Variants in BCR observed in about 807,000 individuals in gnomAD.
The protein encoded by BCR is BCR activator of RhoGEF and GTPase.
A neutral mutation model predicts 138.6 loss-of-function variants in BCR; 58 were observed. The observed-to-expected ratio is 0.42, with a 90% CI of 0.34 to 0.52. The LOEUF (loss-of-function observed/expected upper bound fraction) is 0.52, where lower values mean the gene tolerates loss of function less well. Ranked by LOEUF, BCR falls within the 20% of genes least tolerant of loss-of-function variation. BCR has a pLI of 0.06. For synonymous variants in BCR, 786 were observed against 730.1 expected (o/e 1.08, Z -1.23); for missense variants, 1,599 against 1,727.2 (o/e 0.93, Z 1.32).
intron 8 of BCR, among the ~76,000 whole-genome samples, chr22:23,277,420 G>A (rs1395557071): frequency 6.6e-6 from 1 of 152,168 alleles, no homozygotes; most frequent in African/African-American, 2.4e-5. Flanking sequence ...TGAGCCGATA[G>A]GACGTTTCCA....
At chr22:23,253,536 A>G (rs1359674974) in intron 1 of BCR, among the ~76,000 whole-genome samples, 1 of 152,190 alleles carries the variant, frequency 6.6e-6, no homozygotes, top group Non-Finnish European at 1.5e-5. Flanking sequence ...TCAAATATAC[A>G]TTTCTTAAGT....
chr22:23,293,718 T>C (rs1289703858), intron 15 of BCR, among the ~76,000 whole-genome samples: 1 of 151,598 alleles, frequency 6.6e-6, no homozygotes, highest in Non-Finnish European at 1.5e-5. Context: ...GACATGAGGG[T>C]TAGATTGTAG....
intron 16 of BCR, among the ~76,000 whole-genome samples, chr22:23,297,261 G>T (rs533363574): frequency 1.6e-5 from 2 of 124,684 alleles, no homozygotes; most frequent in African/African-American, 3.1e-5. Flanking sequence ...TGCTCTTGTT[G>T]CCCAGGCCGG....
In BCR at chr22:23,181,129, A is replaced by G. The variant is rs2146187798; in HGVS notation, c.169A>G (p.Ile57Val). ...GGTGAACCAGGAGCGCTTCCGCATG[A>G]TCTACCTGCAGACGTTGCTGGCCAA... The part of the protein sequence containing the change: ...QEVNQERFRM[I>V]YLQTLLAKEK... The change falls in exon 1 of 23, where the codon ATC becomes GTC. Residue 57 changes from isoleucine to valine, a missense_variant. Ile to Val is a conservative substitution (Grantham distance 29). Transcript: ENST00000305877. 2.0e-6 allele frequency: 3 copies of G among 1,493,040 alleles called. No homozygotes were observed. Among genetic ancestry groups the G allele is most frequent in the African/African-American group, 1.4e-5 (1 of 69,944 alleles). The allele number at this position is 1,493,040 out of a possible 1,614,324, so 92.5% of individuals were successfully genotyped here. A position where few individuals can be genotyped will look rare whatever the true frequency, so the allele number is the denominator to read the frequency against.
At chr22:23,227,792 A>G (rs1043974039) in intron 1 of BCR, among the ~76,000 whole-genome samples, 1 of 152,156 alleles carries the variant, frequency 6.6e-6, no homozygotes, top group African/African-American at 2.4e-5. Flanking sequence ...CTTGAACCTA[A>G]GAAATCTTCT....
rs1381628785 is a variant in BCR at position 23,311,865 on chromosome 22, G to A, written c.3322+29G>A. ...AGTGTTGGCCTGCGCAGGACGGGAT[G>A]GAGGTGTGGGCAATGGTGTCCGCGA... On this transcript the variant is annotated intron_variant, in intron 19 of 22. Transcript: ENST00000305877. 2.5e-6 allele frequency: 4 copies of A among 1,610,166 alleles called. No individual in the cohort carries two copies. In the South Asian group the frequency reaches 3.3e-5, roughly 13 times the overall value.
At chr22:23,184,597 A>T (rs1601987677) in intron 1 of BCR, among the ~76,000 whole-genome samples, 1 of 152,268 alleles carries the variant, frequency 6.6e-6, no homozygotes, top group East Asian at 1.9e-4. Context: ...CCAGAGGGGC[A>T]TGTTTGTTAC....
chr22:23,290,483 G>A, intron 14 of BCR, 70 bp downstream of exon 14: 1 of 1,462,794 alleles, frequency 6.8e-7, no homozygotes, highest in Non-Finnish European at 9.6e-7. Context: ...GGACTCATCG[G>A]GCAGGGTGTG....
intron 1 of BCR, among the ~76,000 whole-genome samples, chr22:23,251,614 G>A (rs945683109): frequency 1.3e-5 from 2 of 152,246 alleles, no homozygotes; most frequent in African/African-American, 4.8e-5. Flanking sequence ...CAGGATTGCT[G>A]GGTCAGTTGC....
chr22:23,186,009 G>A (rs1403939034), intron 1 of BCR, among the ~76,000 whole-genome samples: 1 of 196 alleles, frequency 5.1e-3, no homozygotes, highest in Non-Finnish European at 8.8e-3. Context: ...GATTACAGGC[G>A]TGAGCCACCC....
chr22:23,238,733 A>G (rs1175956223), intron 1 of BCR, among the ~76,000 whole-genome samples: 3 of 152,222 alleles, frequency 2.0e-5, no homozygotes, highest in East Asian at 1.9e-4. Context: ...CAGGAGCACT[A>G]TAGATCAGGG....
intron 1 of BCR, among the ~76,000 whole-genome samples, chr22:23,199,847 T>G (rs1367069685): frequency 6.6e-6 from 1 of 152,008 alleles, no homozygotes; most frequent in Non-Finnish European, 1.5e-5. Flanking sequence ...TCCCAGCACT[T>G]TGGGAGGCCA....
chr22:23,304,456 CAT>C (rs1176142807), intron 16 of BCR, among the ~76,000 whole-genome samples: 4 of 152,188 alleles, frequency 2.6e-5, no homozygotes, highest in South Asian at 4.1e-4. Context: ...ATACATATAA[CAT>C]GTTTTTATTT....
At chr22:23,208,087 C>CTG (rs1241000286) in intron 1 of BCR, among the ~76,000 whole-genome samples, 5 of 152,350 alleles carry the variant, frequency 3.3e-5, no homozygotes, top group African/African-American at 1.2e-4. Flanking sequence ...TGTTTTGTGT[C>CTG]TGTGCAAAAC....
intron 16 of BCR, among the ~76,000 whole-genome samples, chr22:23,301,166 C>T (rs894858188): frequency 3.3e-5 from 5 of 152,208 alleles, no homozygotes; most frequent in Admixed American, 1.3e-4. Context: ...ATTAGCCAGG[C>T]GCGATGGCGC....
intron 1 of BCR, among the ~76,000 whole-genome samples, chr22:23,236,489 C>T (rs748506896): frequency 2.6e-5 from 4 of 152,226 alleles, no homozygotes; most frequent in Non-Finnish European, 5.9e-5. Context: ...CTGGTACAGT[C>T]CCCATCTTCC....
At chr22:23,271,460 C>T in intron 5 of BCR, 72 bp from the exon 6 acceptor site, 3 of 1,492,878 alleles carry the variant, frequency 2.0e-6, no homozygotes, top group Non-Finnish European at 2.8e-6. Context: ...AAATTGTTGC[C>T]AAAGGGGGAA....
At chr22:23,288,067 A>G in intron 11 of BCR, 30 bp from the exon 12 acceptor site, 1 of 1,607,240 alleles carries the variant, frequency 6.2e-7, no homozygotes, top group Non-Finnish European at 8.5e-7. Context: ...GGGCGGAGAT[A>G]ACTGGGTGTG....
At chr22:23,285,269 AG>A (rs2073698937) in intron 10 of BCR, 68 bp downstream of exon 10, 1 of 1,507,472 alleles carries the variant, frequency 6.6e-7, no homozygotes, top group South Asian at 1.3e-5. Context: ...GCACACGGCC[AG>A]TGGGTGCTTT....
Sources: gnomAD v4.1 joint callset for allele counts (sites outside exome capture counted in the v4.1 genomes callset) on GRCh38, gnomAD v4.1.1 for gene constraint, MANE v1.5 for transcripts, NCBI Gene and HGNC (gene_info 2026-07-23, HGNC 2026-07-21) for gene names.